The following NOL8 variants were observed in gnomAD, a reference collection of about 807,000 sequenced individuals.
NOL8 encodes the protein nucleolar protein 8.
Under a neutral mutation model 116.1 loss-of-function variants are expected in NOL8, and 93 were observed. The ratio of observed to expected loss-of-function variants is 0.80; its 90% confidence interval spans 0.68 to 0.95. NOL8 has a LOEUF of 0.95. NOL8 is among the 40% of genes least tolerant of loss of function. The pLI, the probability that NOL8 is intolerant of heterozygous loss-of-function variation, is 0.00. For synonymous variants in NOL8, 419 were observed against 469.0 expected, an observed-to-expected ratio of 0.89 and a Z score of 1.38; for missense variants, 1,291 against 1,382.8, an observed-to-expected ratio of 0.93 and a Z score of 1.05.
At chr9:92,300,502 C>G in intron 13 of NOL8, 1 of 991,590 alleles carries the variant, frequency 1.0e-6, no homozygotes, top group South Asian at 4.5e-5. Context: ...GGACAATCAC[C>G]TCACAAGTCT....
intron 7 of NOL8, among the ~76,000 whole-genome samples, chr9:92,314,022 A>AT (rs1408635653): frequency 6.6e-6 from 1 of 152,230 alleles, no homozygotes; most frequent in Non-Finnish European, 1.5e-5. Flanking sequence ...TTGACAAGTG[A>AT]TTTTTATGTA....
intron 3 of NOL8, chr9:92,322,872 C>G (rs41277647): frequency 0.031 from 4,683 of 153,028 alleles, 112 homozygotes; most frequent in South Asian, 0.079. Flanking sequence ...CCTCTATTAG[C>G]GTGTTCCCTT....
At chr9:92,310,453 A>G in intron 9 of NOL8, 100 bp downstream of exon 9, 1 of 1,354,680 alleles carries the variant, frequency 7.4e-7, no homozygotes, top group Non-Finnish European at 1.0e-6. Flanking sequence ...CCCCGATGCT[A>G]TAATGTAGGT....
In NOL8 at chr9:92,302,980, A is replaced by G. The variant is rs548192592; in HGVS notation, c.2904-1158T>C. ...AAAGTTTAGCAACACTGTCAACTGC[A>G]TTGTGTGTACTGTGGAAAATGGAAA... On this transcript the variant is annotated intron_variant, in intron 12 of 16. Coordinates refer to ENST00000442668, the MANE Select transcript of NOL8 (RefSeq NM_017948.6). 2.6e-5 allele frequency among the ~76,000 whole-genome samples: 4 copies of G among 152,342 alleles called. No homozygotes were observed. The South Asian group carries it at 6.2e-4, about 24-fold the overall frequency.
intron 10 of NOL8, 85 bp downstream of exon 10, chr9:92,310,086 C>A (rs1482756388): frequency 1.1e-6 from 1 of 883,506 alleles, no homozygotes; most frequent in African/African-American, 1.7e-5. Flanking sequence ...AGAGTTTCTT[C>A]ATGTGTTAAA....
intron 8 of NOL8, 70 bp downstream of exon 8, chr9:92,311,076 T>A: frequency 8.1e-7 from 1 of 1,229,018 alleles, no homozygotes. Flanking sequence ...TATGTTGAGA[T>A]TGCCAGTTGT....
chr9:92,314,168 C>G, intron 7 of NOL8, 99 bp downstream of exon 7: 1 of 1,398,806 alleles, frequency 7.1e-7, no homozygotes, highest in South Asian at 2.0e-5. Flanking sequence ...TGGTGAACAC[C>G]AAGACAATCA....
At position 92,319,777 on chromosome 9, in the gene NOL8, G is replaced by A. The variant is rs188267809; in HGVS notation, c.282-421C>T. Among the ~76,000 whole-genome samples the A allele has an allele frequency of 9.2e-5, 14 of 152,234 alleles. 1 individual carries two copies. The East Asian group carries it at 2.7e-3, about 29-fold the overall frequency. On this transcript the variant is annotated intron_variant, in intron 4 of 16. Coordinates refer to ENST00000442668, the MANE Select transcript of NOL8 (RefSeq NM_017948.6). ...CAACATGCCTTTCCATCAATCTACT[G>A]TAGTTTATTGACCAGTCCCTTACCA...
intron 12 of NOL8, among the ~76,000 whole-genome samples, chr9:92,303,906 G>T (rs1236164061): frequency 3.3e-5 from 5 of 152,024 alleles, no homozygotes; most frequent in Non-Finnish European, 7.4e-5. Context: ...GAAGCCCAGG[G>T]TTAAAAAAAC....
At chr9:92,299,605 G>A (rs2134078929) in intron 14 of NOL8, among the ~76,000 whole-genome samples, 1 of 152,076 alleles carries the variant, frequency 6.6e-6, no homozygotes, top group African/African-American at 2.4e-5. Context: ...ACAAAAATTA[G>A]CCAGGTGTGG....
In NOL8 at chr9:92,310,577, C is replaced by G; in HGVS notation, c.2571G>C (p.Gln857His). ...DDSNRFKIKPQFEGRAGQKLM... is the reference protein window; with the variant it reads ...DDSNRFKIKPHFEGRAGQKLM... ...CCTTCTGTCCAGCTCTGCCCTCAAACTGAGGTTTAATTTTGAACCTATTAC... is the reference window on the plus strand; with the variant it reads ...CCTTCTGTCCAGCTCTGCCCTCAAAGTGAGGTTTAATTTTGAACCTATTAC... The change falls in exon 9 of 17, where the codon CAG becomes CAC. Residue 857 changes from glutamine (Q) to histidine (H), a missense_variant. Physicochemically the swap from Gln to His is conservative, Grantham distance 24 (BLOSUM62 0). Coordinates refer to ENST00000442668, the MANE Select transcript of NOL8 (RefSeq NM_017948.6). 6.2e-7 allele frequency: 1 copy of G among 1,611,162 alleles called. No homozygotes were observed. The highest frequency in any genetic ancestry group is 8.5e-7 in the Non-Finnish European group (1 of 1,178,964).
In NOL8 at chr9:92,315,057, G is replaced by T. The variant is rs375023898; in HGVS notation, c.1568C>A (p.Ser523Tyr). ...GCCAGTGGGAGTCTTGGGGCTCTTG[G>T]AGCCTCTGTCAAACTTGCATTGGGT... ...TTTQCKFDRG[S>Y]KSPKTPTGLR... The change falls in exon 7 of 17, where the codon TCC (serine) becomes TAC (tyrosine). Residue 523 changes from serine to tyrosine, a missense_variant. Physicochemically the swap from Ser to Tyr is moderately radical, Grantham distance 144. Transcript: ENST00000442668. 6.2e-7 allele frequency: 1 copy of T among 1,613,932 alleles called. No individual in the cohort carries two copies. Among genetic ancestry groups the T allele is most frequent in the African/African-American group, 1.3e-5 (1 of 74,934 alleles).
At position 92,314,251 on chromosome 9, in the gene NOL8, T is replaced by C; in HGVS notation, c.2358+16A>G. The stretch of plus-strand genomic sequence containing the variant: ...TCTGAGTTCTTGTTAAATCCATACA[T>C]TGAAAATATACTCACCAAATTTGCC... On this transcript the variant is annotated intron_variant, in intron 7 of 16. Transcript: ENST00000442668. 6.5e-7 allele frequency: 1 copy of C among 1,536,036 alleles called. No homozygotes were observed. The highest frequency in any genetic ancestry group is 8.8e-7 in the Non-Finnish European group (1 of 1,140,976).
rs747762980 is a variant in NOL8 at position 92,301,737 on chromosome 9, G to A, written c.2989C>T (p.Leu997=). 6.2e-7 allele frequency: 1 copy of A among 1,606,066 alleles called. No homozygotes were observed. The highest frequency in any genetic ancestry group is 1.1e-5 in the South Asian group (1 of 89,262). The change falls in exon 13 of 17, where the codon CTG becomes TTG. Residue 997 remains leucine, a synonymous_variant. Coordinates refer to ENST00000442668, the MANE Select transcript of NOL8 (RefSeq NM_017948.6). ...TTTGTAGTTTGGAATATTTCTTTCA[G>A]ATCCATAGCAATATTATAATACATT... ...KEMYYNIAMD[L]KEIFQTTKYT... is the part of the protein sequence containing the mutation.
chr9:92,314,821 A>G lies in NOL8; in HGVS notation c.1804T>C (p.Ser602Pro), dbSNP rs1488622233. Reference protein sequence around the residue: ...SVASNNKDQNSMKHEDPSIIS... With the variant: ...SVASNNKDQNPMKHEDPSIIS... Reference sequence around the variant, plus strand: ...ATACTGGGATCCTCATGTTTCATGGAATTCTGATCTTTATTGTTAGAGGCA... The same window carrying G: ...ATACTGGGATCCTCATGTTTCATGGGATTCTGATCTTTATTGTTAGAGGCA... Residue 602 changes from serine (S) to proline (P), a missense_variant, in exon 7 of 17, where the codon TCC becomes CCC. Ser to Pro is a moderately conservative substitution (Grantham distance 74). Transcript: ENST00000442668. 7 of 1,613,418 alleles carry G rather than the reference A, an allele frequency of 4.3e-6. No homozygotes were observed. The highest frequency in any genetic ancestry group is 5.9e-6 in the Non-Finnish European group (7 of 1,179,706).
At chr9:92,300,676 A>G in intron 13 of NOL8, 2 of 1,065,300 alleles carry the variant, frequency 1.9e-6, no homozygotes, top group Non-Finnish European at 2.3e-6. Flanking sequence ...CAAGAAAATG[A>G]AGTCTTATTT....
At chr9:92,318,751 A>G (rs1205118464) in intron 5 of NOL8, 65 bp from the exon 6 acceptor site, 4 of 1,053,500 alleles carry the variant, frequency 3.8e-6, no homozygotes, top group Non-Finnish European at 5.4e-6. Context: ...TAATAACAAT[A>G]TTAGGTAAAT....
At position 92,310,691 on chromosome 9, in the gene NOL8, A is replaced by G; in HGVS notation, c.2473-16T>C. 6.3e-7 allele frequency: 1 copy of G among 1,588,776 alleles called. No individual in the cohort carries two copies. On this transcript the variant is annotated splice_polypyrimidine_tract_variant and intron_variant, in intron 8 of 16. Transcript: ENST00000442668. ...CCATAGACTCCTGTGAAGAAACACA[A>G]CATTTATTAATAGCAGAGGCAAACA... is the stretch of plus-strand genomic sequence containing the variant.
Position 92,315,374 on chromosome 9 carries a change from G to C in NOL8, c.1251C>G (p.Asn417Lys). 1 of 1,605,426 alleles carries C rather than the reference G, an allele frequency of 6.2e-7. No individual in the cohort carries two copies. Among genetic ancestry groups the C allele is most frequent in the Non-Finnish European group, 8.5e-7 (1 of 1,175,042 alleles). Residue 417 changes from asparagine (N) to lysine (K), a missense_variant, in exon 7 of 17, where the codon AAC becomes AAG. Coordinates refer to ENST00000442668, the MANE Select transcript of NOL8 (RefSeq NM_017948.6). ...TAATACAGTGATCAGAAAGCTCACA[G>C]TTTTCTCTATTTTTGAAAGAAGTTT... Reference protein sequence around the residue: ...TKKTSFKNRENCELSDHCIKL... With the variant: ...TKKTSFKNREKCELSDHCIKL...
Sources: gnomAD v4.1 joint callset for allele counts (sites outside exome capture counted in the v4.1 genomes callset) on GRCh38, gnomAD v4.1.1 for gene constraint, MANE v1.5 for transcripts, NCBI Gene and HGNC (gene_info 2026-07-23, HGNC 2026-07-21) for gene names.